PCDH15: variants seen among roughly 807,000 people sequenced by gnomAD.
PCDH15 encodes the protein protocadherin related 15, also known as protocadherin-15.
In PCDH15, 129 loss-of-function variants were observed where a neutral mutation model predicts 178.5. That is an observed-to-expected ratio of 0.72 (90% confidence interval 0.63 to 0.84). The LOEUF is 0.84. PCDH15 is among the 40% of genes least tolerant of loss of function. PCDH15 has a pLI of 0.00. For synonymous variants in PCDH15, 800 were observed against 732.0 expected (o/e 1.09, Z -1.50); for missense variants, 2,230 against 2,099.9 (o/e 1.06, Z -1.21).
intron 2 of PCDH15, among the ~76,000 whole-genome samples, chr10:55,415,484 A>G (rs1183447006): frequency 6.6e-6 from 1 of 151,722 alleles, no homozygotes. Flanking sequence ...AGGACGTTTT[A>G]CAATTGGACA....
At chr10:55,419,791 T>C (rs1838575651) in intron 2 of PCDH15, among the ~76,000 whole-genome samples, 1 of 151,716 alleles carries the variant, frequency 6.6e-6, no homozygotes. Context: ...CTTGGCAACA[T>C]GATCACATTG....
chr10:53,959,889 C>T (rs1008358690), intron 22 of PCDH15, 45 bp from the exon 23 acceptor site: 2 of 1,417,846 alleles, frequency 1.4e-6, no homozygotes, highest in Non-Finnish European at 2.0e-6. Context: ...TAAGTAAGAA[C>T]AGCGTAACAG....
chr10:54,067,658 T>C (rs1018296362), intron 17 of PCDH15, among the ~76,000 whole-genome samples: 3 of 152,146 alleles, frequency 2.0e-5, no homozygotes, highest in African/African-American at 7.2e-5. Context: ...TCTGTCACAG[T>C]GTGGGGCTGA....
At chr10:54,420,992 G>C (rs1955198722) in intron 3 of PCDH15, among the ~76,000 whole-genome samples, 1 of 151,934 alleles carries the variant, frequency 6.6e-6, no homozygotes. Flanking sequence ...CCTCAACCTG[G>C]AATACCACGA....
chr10:54,952,145 T>G (rs749955063), intron 2 of PCDH15, among the ~76,000 whole-genome samples: 1 of 151,928 alleles, frequency 6.6e-6, no homozygotes, highest in Non-Finnish European at 1.5e-5. Flanking sequence ...GTTATAGTTT[T>G]AAGTTTTACA....
At chr10:55,019,744 G>C (rs1180345114) in intron 2 of PCDH15, among the ~76,000 whole-genome samples, 1 of 152,104 alleles carries the variant, frequency 6.6e-6, no homozygotes, top group Non-Finnish European at 1.5e-5. Context: ...ACCCTTCGGA[G>C]TTCTTGGCAC....
intron 1 of PCDH15, among the ~76,000 whole-genome samples, chr10:54,692,256 T>G (rs772999076): frequency 1.3e-5 from 2 of 152,154 alleles, no homozygotes; most frequent in Non-Finnish European, 2.9e-5. Flanking sequence ...CATCTCAAAT[T>G]GAGCTCACTA....
intron 2 of PCDH15, among the ~76,000 whole-genome samples, chr10:54,607,508 G>A (rs2092794191): frequency 6.6e-6 from 1 of 152,038 alleles, no homozygotes; most frequent in Non-Finnish European, 1.5e-5. Context: ...CCTGCCCTCA[G>A]AGACCTCTCA....
At chr10:54,547,934 A>G (rs193149583) in intron 2 of PCDH15, among the ~76,000 whole-genome samples, 74 of 151,908 alleles carry the variant, frequency 4.9e-4, no homozygotes, top group Admixed American at 3.1e-3. Context: ...CCCATCTTCT[A>G]TAAGATTTGA....
intron 25 of PCDH15, among the ~76,000 whole-genome samples, chr10:53,921,399 T>TA (rs397736830): frequency 2.0e-5 from 3 of 151,764 alleles, no homozygotes; most frequent in Non-Finnish European, 4.4e-5. Flanking sequence ...ACTTTTTTTT[T>TA]ATTTGCCTAA....
chr10:54,193,892 C>A (rs1222290266), intron 11 of PCDH15, among the ~76,000 whole-genome samples: 1 of 151,856 alleles, frequency 6.6e-6, no homozygotes, highest in East Asian at 1.9e-4. Flanking sequence ...GCTTTAATAT[C>A]CCTTTCTGAA....
intron 1 of PCDH15, among the ~76,000 whole-genome samples, chr10:54,678,022 A>G (rs745702936): frequency 3.4e-4 from 51 of 152,104 alleles, no homozygotes; most frequent in Non-Finnish European, 6.2e-4. Context: ...TGCACTCACC[A>G]TAAAGATAAT....
intron 1 of PCDH15, among the ~76,000 whole-genome samples, chr10:55,229,191 T>G (rs1311427206): frequency 6.6e-6 from 1 of 151,824 alleles, no homozygotes; most frequent in Non-Finnish European, 1.5e-5. Flanking sequence ...TAGTATGGGA[T>G]AAGCACATGG....
intron 6 of PCDH15, among the ~76,000 whole-genome samples, chr10:54,336,025 C>A (rs182142064): frequency 6.6e-6 from 1 of 152,200 alleles, no homozygotes; most frequent in African/African-American, 2.4e-5. Context: ...GTAAAGGTAA[C>A]CCTTGCTATG....
rs538863696 is a variant in PCDH15 at position 54,649,186 on chromosome 10, G to A, written c.91+14986C>T. Among the ~76,000 whole-genome samples the A allele has an allele frequency of 2.1e-4, 32 of 152,196 alleles. 1 individual carries two copies. The South Asian group carries it at 5.8e-3, about 28-fold the overall frequency. On this transcript the variant is annotated intron_variant, in intron 2 of 37. Coordinates refer to ENST00000644397, the MANE Select transcript of PCDH15 (RefSeq NM_001384140.1). ...TACTCAGAAAGGCAGCTAATAATCC[G>A]ACATGAGCAAAGAAGAGAGGAAATA...
At chr10:54,226,392 A>G (rs1340093901) in intron 9 of PCDH15, among the ~76,000 whole-genome samples, 1 of 152,126 alleles carries the variant, frequency 6.6e-6, no homozygotes, top group Non-Finnish European at 1.5e-5. Flanking sequence ...CTCCCACAAC[A>G]TGTGGGAATT....
chr10:54,622,807 G>A (rs113202401), intron 2 of PCDH15, among the ~76,000 whole-genome samples: 3 of 74,984 alleles, frequency 4.0e-5, no homozygotes, highest in African/African-American at 1.5e-4. Context: ...TTAATCCAGT[G>A]GCTATTTCCT....
intron 2 of PCDH15, among the ~76,000 whole-genome samples, chr10:55,347,887 A>C (rs1380793397): frequency 6.6e-6 from 1 of 152,002 alleles, no homozygotes; most frequent in Non-Finnish European, 1.5e-5. Context: ...TTTTATTTTT[A>C]TTTGATTCTC....
At position 54,082,091 on chromosome 10, in the gene PCDH15, C is replaced by G. The variant is rs1444299989; in HGVS notation, c.1998-2667G>C. 2.0e-5 allele frequency among the ~76,000 whole-genome samples: 3 copies of G among 152,240 alleles called. No homozygotes were observed. The East Asian group carries it at 5.8e-4, about 29-fold the overall frequency. On this transcript the variant is annotated intron_variant, in intron 16 of 37. Coordinates refer to ENST00000644397, the MANE Select transcript of PCDH15 (RefSeq NM_001384140.1). ...GCCTTGAAAACATCAGTGAACATTC[C>G]CAGTGTGACACTATGGTCTTTGTTT... is the stretch of plus-strand genomic sequence containing the variant.
Sources: allele counts gnomAD v4.1 joint callset (sites outside exome capture counted in the v4.1 genomes callset), GRCh38; gene constraint gnomAD v4.1.1; transcripts MANE v1.5; gene names NCBI Gene and HGNC (gene_info 2026-07-23, HGNC 2026-07-21).